Variants in ANKRD31 observed in about 807,000 individuals in gnomAD.
ANKRD31 encodes the protein ankyrin repeat domain 31, also known as ankyrin repeat domain-containing protein 31.
ANKRD31 carries 147 observed loss-of-function variants against 186.0 expected under a neutral mutation model. The ratio of observed to expected loss-of-function variants is 0.79; its 90% CI spans 0.69 to 0.91. The LOEUF (loss-of-function observed/expected upper bound fraction) is 0.91, where lower values mean the gene tolerates loss of function less well. Ranked by LOEUF, ANKRD31 falls within the 40% of genes least tolerant of loss-of-function variation. The pLI, the probability that ANKRD31 is intolerant of heterozygous loss-of-function variation, is 0.00. For synonymous variants in ANKRD31, 673 were observed against 736.4 expected, an observed-to-expected ratio of 0.91 and a Z score of 1.39; for missense variants, 1,986 against 2,148.8, an observed-to-expected ratio of 0.92 and a Z score of 1.50.
chr5:75,199,335 C>A (rs1169774490), intron 6 of ANKRD31, among the ~76,000 whole-genome samples: 1 of 152,152 alleles, frequency 6.6e-6, no homozygotes, highest in Non-Finnish European at 1.5e-5. Flanking sequence ...CAGGAAGGAA[C>A]TTTGCTACAT....
chr5:75,081,594 G>C (rs772587815), intron 24 of ANKRD31, among the ~76,000 whole-genome samples: 8 of 152,064 alleles, frequency 5.3e-5, no homozygotes, highest in Non-Finnish European at 1.2e-4. Flanking sequence ...TTACTGCTCT[G>C]CTTCAACTCT....
chr5:75,177,385 C>G (rs1043095612), intron 10 of ANKRD31, among the ~76,000 whole-genome samples: 2 of 152,032 alleles, frequency 1.3e-5, no homozygotes, highest in Admixed American at 1.3e-4. Context: ...ACAGAGAACG[C>G]CACAAAGATA....
Position 75,193,585 on chromosome 5 carries a change from G to A in ANKRD31, c.1024C>T (p.Gln342Ter), listed in dbSNP as rs1356875266. The change falls in exon 8 of 26, where the codon CAA (glutamine) becomes TAA (stop). Residue 342 changes from glutamine to a stop codon, truncating the protein, a stop_gained. Coordinates refer to ENST00000506364, the MANE Select transcript of ANKRD31 (RefSeq NM_001372053.1). LOFTEE classifies it high-confidence loss of function. The part of the protein sequence containing the change: ...EDCTQIAETL[Q>*]DPNPSGLQTL... ...TGCAATCCAGATGGATTTGGGTCTTGCAGAGTCTGCAAATACGTAAATACA... is the reference window on the plus strand; with the variant it reads ...TGCAATCCAGATGGATTTGGGTCTTACAGAGTCTGCAAATACGTAAATACA... 2.0e-6 allele frequency: 3 copies of A among 1,533,366 alleles called. No individual in the cohort carries two copies. Among genetic ancestry groups the A allele is most frequent in the Admixed American group, 2.0e-5 (1 of 50,726 alleles). 95.0% of individuals were successfully genotyped at this position (1,533,366 alleles called of 1,614,324 possible). A position where few individuals can be genotyped will look rare whatever the true frequency, so the allele number is the denominator to read the frequency against.
chr5:75,092,171 G>T (rs1026968951), intron 22 of ANKRD31, among the ~76,000 whole-genome samples: 1 of 152,222 alleles, frequency 6.6e-6, no homozygotes, highest in East Asian at 1.9e-4. Context: ...AACAGAGCAT[G>T]AAGAAGTTCA....
In ANKRD31 at chr5:75,068,636, G is replaced by A; in HGVS notation, c.5676C>T (p.Ser1892=). Residue 1892 remains serine (S), a synonymous_variant, in exon 26 of 26, where the codon AGC becomes AGT. Coordinates refer to ENST00000506364, the MANE Select transcript of ANKRD31 (RefSeq NM_001372053.1). ...TTTCATTTATTTGTAGATAACGTGG[G>A]CTGCTTTGCATTGACTCTCTGGAAG... ...QGTSRESMQS[S]PRYLQINEIL... 6.6e-7 allele frequency: 1 copy of A among 1,518,722 alleles called. No homozygotes were observed. Among genetic ancestry groups the A allele is most frequent in the Non-Finnish European group, 8.8e-7 (1 of 1,139,398 alleles). 94.1% of individuals were successfully genotyped at this position (1,518,722 alleles called of 1,614,324 possible).
chr5:75,071,836 G>A (rs1394537922), intron 25 of ANKRD31, among the ~76,000 whole-genome samples: 1 of 152,156 alleles, frequency 6.6e-6, no homozygotes, highest in African/African-American at 2.4e-5. Flanking sequence ...GAAATGATTA[G>A]GGATAGGGCA....
rs541170302 is a variant in ANKRD31, at chr5:75,217,149, G to A, written c.288+5100C>T. ...AAAATTGTTTCATGTCCGATTGCAG[G>A]GTAAATTTTAGAATATGTGCCATGT... On this transcript the variant is annotated intron_variant, in intron 3 of 25. Transcript: ENST00000506364. Among the ~76,000 whole-genome samples the A allele has an allele frequency of 2.0e-5, 3 of 152,194 alleles. No homozygotes were observed. The South Asian group carries it at 6.2e-4, about 32-fold the overall frequency.
In ANKRD31 at chr5:75,107,512, T is replaced by A. The variant is rs1561428222; in HGVS notation, c.4340+9A>T. 1.3e-6 allele frequency: 2 copies of A among 1,487,400 alleles called. No homozygotes were observed. Among genetic ancestry groups the A allele is most frequent in the Non-Finnish European group, 1.8e-6 (2 of 1,116,148 alleles). 92.1% of individuals were successfully genotyped at this position (1,487,400 alleles called of 1,614,324 possible). ...CAAAAGCACTCTTTTTTTTTCTTTT[T>A]CTACTCACCTGTATTTTTTAGCCAG... On this transcript the variant is annotated intron_variant, in intron 21 of 25. Transcript: ENST00000506364.
chr5:75,233,948 G>A (rs989799701), intron 1 of ANKRD31, among the ~76,000 whole-genome samples: 2 of 151,870 alleles, frequency 1.3e-5, no homozygotes, highest in African/African-American at 4.8e-5. Flanking sequence ...TCTTTCCTAA[G>A]GAAATTATTT....
At chr5:75,213,067 C>A (rs1756747917) in intron 3 of ANKRD31, among the ~76,000 whole-genome samples, 1 of 152,096 alleles carries the variant, frequency 6.6e-6, no homozygotes, top group African/African-American at 2.4e-5. Context: ...GTATTATATA[C>A]TGATAATGCA....
intron 17 of ANKRD31, among the ~76,000 whole-genome samples, chr5:75,135,201 G>C (rs1050138433): frequency 6.6e-6 from 1 of 152,090 alleles, no homozygotes; most frequent in Non-Finnish European, 1.5e-5. Context: ...AAAGGGTATT[G>C]AATTAGGAAA....
intron 23 of ANKRD31, among the ~76,000 whole-genome samples, chr5:75,088,010 G>T (rs969760503): frequency 1.3e-5 from 2 of 152,184 alleles, no homozygotes; most frequent in African/African-American, 4.8e-5. Context: ...TTTTAAAAGA[G>T]ATCACATATC....
intron 20 of ANKRD31, among the ~76,000 whole-genome samples, chr5:75,110,811 C>T (rs1410904801): frequency 6.8e-6 from 1 of 147,236 alleles, no homozygotes; most frequent in Admixed American, 6.7e-5. Flanking sequence ...ACTGATGCTA[C>T]TAGCAGTGTA....
In ANKRD31 at chr5:75,147,230, ACCT is replaced by A. The variant is rs1751514539; in HGVS notation, c.2178_2180del (p.Lys726_Gly727delinsAsn). The A allele has an allele frequency of 3.3e-6, 5 of 1,535,878 alleles. No individual in the cohort carries two copies. Among genetic ancestry groups the A allele is most frequent in the Non-Finnish European group, 4.4e-6 (5 of 1,146,152 alleles). On this transcript the variant is annotated inframe_deletion, in exon 14 of 26. Coordinates refer to ENST00000506364, the MANE Select transcript of ANKRD31 (RefSeq NM_001372053.1). ...TATGTTGTGTTTTTCTTCTTCCTAT[ACCT>A]TTTGGTACGTTTGTGTTGGGATCTT... is the stretch of plus-strand genomic sequence containing the variant.
At chr5:75,219,913 G>A (rs535924031) in intron 3 of ANKRD31, among the ~76,000 whole-genome samples, 1 of 152,322 alleles carries the variant, frequency 6.6e-6, no homozygotes, top group South Asian at 2.1e-4. Context: ...TCAATAAATG[G>A]TGCTGGGATA....
At chr5:75,142,653 T>C (rs1256976062) in intron 15 of ANKRD31, among the ~76,000 whole-genome samples, 3 of 152,156 alleles carry the variant, frequency 2.0e-5, no homozygotes, top group Admixed American at 6.6e-5. Context: ...TGTTCATTCA[T>C]ATTTTAGTGA....
At chr5:75,167,044 C>T (rs1015875214) in intron 11 of ANKRD31, among the ~76,000 whole-genome samples, 1 of 151,786 alleles carries the variant, frequency 6.6e-6, no homozygotes, top group Admixed American at 6.6e-5. Context: ...TTTTCATTCC[C>T]CCTAAAAGAA....
chr5:75,230,391 A>T (rs1485837971), intron 2 of ANKRD31, among the ~76,000 whole-genome samples, 171 bp downstream of exon 2: 1 of 152,240 alleles, frequency 6.6e-6, no homozygotes, highest in Non-Finnish European at 1.5e-5. Flanking sequence ...TGTGACCAGA[A>T]ATATGCTATA....
At chr5:75,169,818 T>C (rs1753190683) in intron 10 of ANKRD31, among the ~76,000 whole-genome samples, 1 of 152,180 alleles carries the variant, frequency 6.6e-6, no homozygotes, top group African/African-American at 2.4e-5. Flanking sequence ...TTATGTTTCT[T>C]AGTTTTTATG....
Sources: allele counts gnomAD v4.1 joint callset (sites outside exome capture counted in the v4.1 genomes callset), GRCh38; gene constraint gnomAD v4.1.1; transcripts MANE v1.5; gene names NCBI Gene and HGNC (gene_info 2026-07-23, HGNC 2026-07-21).